SLC35F5: variants seen among roughly 807,000 people sequenced by gnomAD.
SLC35F5 encodes HCV NS5A-transactivated protein 3.
A neutral mutation model predicts 68.6 loss-of-function variants in SLC35F5; 54 were observed. That is an observed-to-expected ratio of 0.79 (90% CI 0.63 to 0.99). The LOEUF is 0.99. SLC35F5 is among the 50% of genes least tolerant of loss of function. The pLI is 0.00. For synonymous variants in SLC35F5, 211 were observed against 205.2 expected, an observed-to-expected ratio of 1.03 and a Z score of -0.24; for missense variants, 567 against 626.9, an observed-to-expected ratio of 0.90 and a Z score of 1.02.
At chr2:113,716,960 A>G (rs1481706590) in intron 15 of SLC35F5, among the ~76,000 whole-genome samples, 1 of 152,216 alleles carries the variant, frequency 6.6e-6, no homozygotes, top group African/African-American at 2.4e-5. Context: ...GAGTTGTACA[A>G]TGTTCTAGAT....
chr2:113,728,955 C>T (rs2104430561), intron 11 of SLC35F5, among the ~76,000 whole-genome samples: 1 of 152,240 alleles, frequency 6.6e-6, no homozygotes, highest in East Asian at 1.9e-4. Flanking sequence ...ATTTAAATGG[C>T]CCACAATTTT....
downstream of SLC35F5, among the ~76,000 whole-genome samples, chr2:113,704,692 G>A (rs1487102987): frequency 2.6e-5 from 4 of 151,578 alleles, no homozygotes; most frequent in African/African-American, 7.3e-5. Flanking sequence ...CCTGCCGGCC[G>A]CTCCGAGTGC....
chr2:113,717,634 A>C (rs1338992516), intron 15 of SLC35F5, 119 bp downstream of exon 15: 1 of 616,370 alleles, frequency 1.6e-6, no homozygotes, highest in African/African-American at 1.9e-5. Context: ...TCCAGGCTTT[A>C]GCCCCTTTAG....
chr2:113,743,071 C>T (rs1303102540), intron 6 of SLC35F5, among the ~76,000 whole-genome samples, 192 bp from the exon 7 acceptor site: 2 of 152,180 alleles, frequency 1.3e-5, no homozygotes, highest in Non-Finnish European at 2.9e-5. Context: ...AAAATGATTT[C>T]ATCTACAAAA....
At chr2:113,705,932 G>C (rs1162263989), downstream of SLC35F5, among the ~76,000 whole-genome samples, 2 of 152,204 alleles carry the variant, frequency 1.3e-5, no homozygotes, top group Non-Finnish European at 2.9e-5. Flanking sequence ...GGAAAGGGGA[G>C]TAAGTAGAGG....
chr2:113,739,429 T>G (rs993855843), intron 7 of SLC35F5, among the ~76,000 whole-genome samples: 2 of 152,214 alleles, frequency 1.3e-5, no homozygotes, highest in Non-Finnish European at 2.9e-5. Context: ...ACTCAAGGAT[T>G]TGGTGGGCCA....
intron 5 of SLC35F5, 110 bp downstream of exon 5, chr2:113,746,167 G>T: frequency 1.2e-6 from 1 of 802,996 alleles, no homozygotes; most frequent in Non-Finnish European, 2.1e-6. Flanking sequence ...ACCCAATATT[G>T]AGCCATATCT....
chr2:113,738,614 G>C (rs1374168455), intron 7 of SLC35F5, among the ~76,000 whole-genome samples: 1 of 151,280 alleles, frequency 6.6e-6, no homozygotes, highest in Non-Finnish European at 1.5e-5. Context: ...TATGTAGTAA[G>C]AGATATTCTT....
intron 10 of SLC35F5, among the ~76,000 whole-genome samples, chr2:113,731,322 CAG>C (rs745764292): frequency 1.5e-3 from 235 of 152,210 alleles, no homozygotes; most frequent in Non-Finnish European, 2.8e-3. Context: ...TTATAGATAA[CAG>C]TATCATAATC....
intron 1 of SLC35F5, chr2:113,756,030 C>A: frequency 6.7e-7 from 1 of 1,487,894 alleles, no homozygotes; most frequent in South Asian, 1.4e-5. Flanking sequence ...AAGGATTCTC[C>A]ATGCTCCTCC....
intron 7 of SLC35F5, among the ~76,000 whole-genome samples, chr2:113,739,212 T>A (rs1018437906): frequency 6.6e-6 from 1 of 151,228 alleles, no homozygotes; most frequent in African/African-American, 2.5e-5. Context: ...GTCCCTTATA[T>A]AAAATGGCAT....
At position 113,712,848 on chromosome 2, in the gene SLC35F5, C is replaced by T. The variant is rs1277044494; in HGVS notation, c.*2370G>A. On this transcript the variant is annotated 3_prime_UTR_variant, in exon 16 of 16. Transcript: ENST00000245680. ...TCAGAAAAATATAATTACAGGCCAA[C>T]ATGGGTCTGACAGAGAGGAAGGACG... is the stretch of plus-strand genomic sequence containing the variant. The T allele has an allele frequency of 1.3e-5, 2 of 152,182 alleles. No homozygotes were observed. The highest frequency in any genetic ancestry group is 2.9e-5 in the Non-Finnish European group (2 of 68,038). 9.4% of individuals were successfully genotyped at this position (152,182 alleles called of 1,614,324 possible).
chr2:113,706,442 G>A (rs1686800553), downstream of SLC35F5, among the ~76,000 whole-genome samples: 1 of 152,204 alleles, frequency 6.6e-6, no homozygotes, highest in African/African-American at 2.4e-5. Flanking sequence ...GATAGCATTG[G>A]CTTTCTGCTG....
In SLC35F5 at chr2:113,709,749, A is replaced by G. The variant is rs1574196139; in HGVS notation, c.*5469T>C. ...GTTAGAAAGGCAAATTACCAGGCCCACCATCCCCACCGCCAGACCTACTGA... is the reference window on the plus strand; with the variant it reads ...GTTAGAAAGGCAAATTACCAGGCCCGCCATCCCCACCGCCAGACCTACTGA... On this transcript the variant is annotated 3_prime_UTR_variant, in exon 16 of 16. Transcript: ENST00000245680. Among the ~76,000 whole-genome samples the G allele has an allele frequency of 6.6e-6, 1 of 152,288 alleles. No individual in the cohort carries two copies. The highest frequency in any genetic ancestry group is 1.9e-4 in the East Asian group (1 of 5,182).
intron 9 of SLC35F5, among the ~76,000 whole-genome samples, chr2:113,733,915 A>G (rs1435245807): frequency 1.3e-5 from 2 of 152,260 alleles, no homozygotes; most frequent in Admixed American, 1.3e-4. Flanking sequence ...GTTTCATAAA[A>G]TAAGTTTTAT....
Position 113,756,497 on chromosome 2 carries a change from G to T in SLC35F5, c.-88C>A, listed in dbSNP as rs1271933874. Reference sequence around the variant, plus strand: ...CTGTCACCGCGCCTGACATCGCGCCGCACTGGAGGCCCAGCTCCTGAAGAC... The same window carrying T: ...CTGTCACCGCGCCTGACATCGCGCCTCACTGGAGGCCCAGCTCCTGAAGAC... On this transcript the variant is annotated 5_prime_UTR_variant, in exon 1 of 16. Transcript: ENST00000245680. 9.2e-6 allele frequency: 14 copies of T among 1,518,050 alleles called. No individual in the cohort carries two copies. In the South Asian group the frequency reaches 1.5e-4, roughly 16 times the overall value. The allele number at this position is 1,518,050 out of a possible 1,614,324, so 94.0% of individuals were successfully genotyped here.
rs886074775 is a variant in SLC35F5, at chr2:113,714,046, G to A, written c.*1172C>T. Reference sequence around the variant, plus strand: ...AAAGCCTGTGAATCCTGGGACATACGTTTACTGATATCTATGGTGAATAGA... The same window carrying A: ...AAAGCCTGTGAATCCTGGGACATACATTTACTGATATCTATGGTGAATAGA... On this transcript the variant is annotated 3_prime_UTR_variant, in exon 16 of 16. Coordinates refer to ENST00000245680, the MANE Select transcript of SLC35F5 (RefSeq NM_025181.5). 1.3e-5 allele frequency: 2 copies of A among 152,098 alleles called. No individual in the cohort carries two copies. Among genetic ancestry groups the A allele is most frequent in the African/African-American group, 2.4e-5 (1 of 41,430 alleles). The allele number at this position is 152,098 out of a possible 1,614,324, so 9.4% of individuals were successfully genotyped here.
chr2:113,747,243 C>G (rs945462103), intron 4 of SLC35F5, among the ~76,000 whole-genome samples: 2 of 151,170 alleles, frequency 1.3e-5, no homozygotes, highest in Admixed American at 1.3e-4. Context: ...GCCGAGATCA[C>G]GCCACTGCAC....
rs772550275 is a variant in SLC35F5, at chr2:113,711,298, G to T, written c.*3920C>A. Among the ~76,000 whole-genome samples, 1 of 152,124 alleles carries T rather than the reference G, an allele frequency of 6.6e-6. No individual in the cohort carries two copies. The highest frequency in any genetic ancestry group is 1.5e-5 in the Non-Finnish European group (1 of 68,018). The stretch of plus-strand genomic sequence containing the variant: ...AATTTTTCCTTAAATATATTTCAAT[G>T]ATTTCATTGTTTGACATTTTCATAG... On this transcript the variant is annotated 3_prime_UTR_variant, in exon 16 of 16. Transcript: ENST00000245680.
Sources: allele counts gnomAD v4.1 joint callset (sites outside exome capture counted in the v4.1 genomes callset), GRCh38; gene constraint gnomAD v4.1.1; transcripts MANE v1.5; gene names NCBI Gene and HGNC (gene_info 2026-07-23, HGNC 2026-07-21).